Variants in MYBL1 observed in about 807,000 individuals in gnomAD.
MYBL1 encodes the protein MYB proto-oncogene like 1.
Under a neutral mutation model 96.3 loss-of-function variants are expected in MYBL1, and 17 were observed. That is an observed-to-expected ratio of 0.18 (90% CI 0.12 to 0.26). The LOEUF is 0.26. MYBL1 is among the 10% of genes least tolerant of loss of function. The pLI, the probability that MYBL1 is intolerant of heterozygous loss-of-function variation, is 1.00. For missense variants in MYBL1, 701 were observed against 882.9 expected (o/e 0.79, Z 2.61); for synonymous variants, 282 against 292.7 (o/e 0.96, Z 0.37).
Position 66,580,171 on chromosome 8 carries a change from T to G in MYBL1, c.1063A>C (p.Ile355Leu), listed in dbSNP as rs766597802. 6.2e-7 allele frequency: 1 copy of G among 1,613,858 alleles called. No homozygotes were observed. Among genetic ancestry groups the G allele is most frequent in the East Asian group, 2.2e-5 (1 of 44,888 alleles). ...ANAVLSSLQT[I>L]PEFAETLELI... ...TCTAGAGTCTCTGCAAATTCTGGGA[T>G]GGTCTGCAAAGAGGATAACACAGCG... is the stretch of plus-strand genomic sequence containing the variant. The change falls in exon 9 of 16, where the codon ATC (isoleucine) becomes CTC (leucine). Residue 355 changes from isoleucine to leucine, a missense_variant. Physicochemically the swap from Ile to Leu is conservative, Grantham distance 5. Around this residue, in one of 5 missense-constraint regions of MYBL1, gnomAD observed 396 missense variants for 407.4 expected, o/e 0.97. Coordinates refer to ENST00000522677, the MANE Select transcript of MYBL1 (RefSeq NM_001080416.4).
At chr8:66,598,756 C>A (rs1270158235) in intron 4 of MYBL1, among the ~76,000 whole-genome samples, 1 of 152,134 alleles carries the variant, frequency 6.6e-6, no homozygotes, top group African/African-American at 2.4e-5. Flanking sequence ...AAACTATACC[C>A]TAATAGTTGT....
intron 9 of MYBL1, among the ~76,000 whole-genome samples, 194 bp from the exon 10 acceptor site, chr8:66,576,569 T>C (rs1030356469): frequency 6.6e-6 from 1 of 152,124 alleles, no homozygotes; most frequent in South Asian, 2.1e-4. Flanking sequence ...CCAAAATACA[T>C]AATAGTTCAT....
Position 66,562,664 on chromosome 8 carries a change from A to C in MYBL1, c.*2033T>G, listed in dbSNP as rs1379683492. ...TGGTGATTGCAGACTATGTATATCCAGGTAAGGGCTACATTAAAAACAACA... is the reference window on the plus strand; with the variant it reads ...TGGTGATTGCAGACTATGTATATCCCGGTAAGGGCTACATTAAAAACAACA... On this transcript the variant is annotated 3_prime_UTR_variant, in exon 16 of 16. Coordinates refer to ENST00000522677, the MANE Select transcript of MYBL1 (RefSeq NM_001080416.4). 6.6e-6 allele frequency: 1 copy of C among 152,554 alleles called. No homozygotes were observed. Among genetic ancestry groups the C allele is most frequent in the East Asian group, 1.9e-4 (1 of 5,200 alleles). 9.5% of individuals were successfully genotyped at this position (152,554 alleles called of 1,614,324 possible).
intron 1 of MYBL1, among the ~76,000 whole-genome samples, 162 bp from the exon 2 acceptor site, chr8:66,602,685 G>A (rs1339336340): frequency 9.6e-5 from 13 of 135,874 alleles, no homozygotes; most frequent in Non-Finnish European, 1.4e-4. Context: ...GTCAGACAGC[G>A]GGGTGGGGTG....
chr8:66,604,360 T>C (rs1231483107), intron 1 of MYBL1, among the ~76,000 whole-genome samples: 4 of 152,026 alleles, frequency 2.6e-5, no homozygotes, highest in African/African-American at 9.7e-5. Flanking sequence ...CTGTCTCTAC[T>C]AAAATTGCAA....
intron 10 of MYBL1, among the ~76,000 whole-genome samples, chr8:66,574,662 T>C (rs16932983): frequency 0.1 from 15,973 of 152,242 alleles, 1,881 homozygotes; most frequent in African/African-American, 0.28. Flanking sequence ...AACATCAGCT[T>C]CATCTCTTAC....
intron 8 of MYBL1, among the ~76,000 whole-genome samples, chr8:66,591,652 T>C (rs1253052361): frequency 6.6e-6 from 1 of 152,092 alleles, no homozygotes; most frequent in Non-Finnish European, 1.5e-5. Context: ...TTAAATTTAC[T>C]GAACTCATAT....
intron 15 of MYBL1, 57 bp downstream of exon 15, chr8:66,566,007 A>C (rs1808487865): frequency 5.1e-6 from 6 of 1,183,562 alleles, no homozygotes; most frequent in Non-Finnish European, 7.1e-6. Context: ...AGTAAATCCA[A>C]AGTGATCATT....
At chr8:66,575,709 G>C (rs1808909390) in intron 10 of MYBL1, among the ~76,000 whole-genome samples, 1 of 152,102 alleles carries the variant, frequency 6.6e-6, no homozygotes, top group Non-Finnish European at 1.5e-5. Context: ...AAGATCACTT[G>C]AGCCTCGGTG....
At position 66,564,701 on chromosome 8, in the gene MYBL1, A is replaced by C; in HGVS notation, c.2255T>G (p.Leu752Arg). The change falls in exon 16 of 16, where the codon CTG becomes CGG. Residue 752 changes from leucine (L) to arginine (R), a missense_variant. Coordinates refer to ENST00000522677, the MANE Select transcript of MYBL1 (RefSeq NM_001080416.4). ...ATSSTSRALI[L>R] ...TTTCATCAATTTTAATAACAATTAC[A>C]GTATGAGAGCTCTTGAAGTACTACT... 1 of 1,575,220 alleles carries C rather than the reference A, an allele frequency of 6.3e-7. No individual in the cohort carries two copies. The highest frequency in any genetic ancestry group is 8.6e-7 in the Non-Finnish European group (1 of 1,157,392).
At position 66,564,338 on chromosome 8, in the gene MYBL1, A is replaced by G. The variant is rs1177170747; in HGVS notation, c.*359T>C. ...CATAGACTAATTTCAGAAATCATAT[A>G]TACTCATACACCTATCTATAACAAA... On this transcript the variant is annotated 3_prime_UTR_variant, in exon 16 of 16. Transcript: ENST00000522677. The G allele has an allele frequency of 6.5e-6, 1 of 154,986 alleles. No homozygotes were observed. The highest frequency in any genetic ancestry group is 6.5e-5 in the Admixed American group (1 of 15,360). The allele number at this position is 154,986 out of a possible 1,614,324, so 9.6% of individuals were successfully genotyped here. A position where few individuals can be genotyped will look rare whatever the true frequency, so the allele number is the denominator to read the frequency against.
chr8:66,579,988 C>T lies in MYBL1; in HGVS notation c.1101+145G>A. 3 of 574,722 alleles carry T rather than the reference C, an allele frequency of 5.2e-6. No individual in the cohort carries two copies. The South Asian group carries it at 9.6e-5, about 18-fold the overall frequency. The allele number at this position is 574,722 out of a possible 1,614,324, so 35.6% of individuals were successfully genotyped here. On this transcript the variant is annotated intron_variant, in intron 9 of 15. Coordinates refer to ENST00000522677, the MANE Select transcript of MYBL1 (RefSeq NM_001080416.4). ...CTTGAGAAAAATTTAAACTTTTTTC[C>T]CCTAGAAGCCACTGCAAAATATCAG...
intron 1 of MYBL1, among the ~76,000 whole-genome samples, chr8:66,611,378 A>C (rs979139075): frequency 6.6e-6 from 1 of 152,226 alleles, no homozygotes; most frequent in Non-Finnish European, 1.5e-5. Context: ...AGAGCTTTAA[A>C]TATCTATCTT....
chr8:66,573,342 C>G, intron 11 of MYBL1, 22 bp downstream of exon 11: 1 of 1,583,340 alleles, frequency 6.3e-7, no homozygotes, highest in Non-Finnish European at 8.6e-7. Context: ...TTCTCTAACA[C>G]AATTATTTAA....
intron 10 of MYBL1, among the ~76,000 whole-genome samples, chr8:66,575,488 C>T (rs1342691855): frequency 1.3e-5 from 2 of 152,052 alleles, no homozygotes; most frequent in Non-Finnish European, 2.9e-5. Flanking sequence ...CCTCTAAAAA[C>T]TGTAGTATAA....
chr8:66,576,026 A>G lies in MYBL1; in HGVS notation c.1451T>C (p.Leu484Pro). 2 of 1,612,668 alleles carry G rather than the reference A, an allele frequency of 1.2e-6. No homozygotes were observed. The highest frequency in any genetic ancestry group is 8.5e-7 in the Non-Finnish European group (1 of 1,178,900). ...CACTACCTGTGAAGGAGAAAATGGT[A>G]GTGTTTTCAGTGGTGTATGTTTTAG... The part of the protein sequence containing the change: ...MALKHTPLKT[L>P]PFSPSQFFNT... Residue 484 changes from leucine (L) to proline (P), a missense_variant, in exon 10 of 16, where the codon CTA (leucine) becomes CCA (proline). Physicochemically the swap from Leu to Pro is moderately conservative, Grantham distance 98. This residue lies in a region of MYBL1 where 396 missense variants were observed against 407.4 expected (regional missense o/e 0.97). Coordinates refer to ENST00000522677, the MANE Select transcript of MYBL1 (RefSeq NM_001080416.4).
Position 66,576,142 on chromosome 8 carries a change from G to A in MYBL1, c.1335C>T (p.Ala445=). ...PNIAKFSTPP[A]ILRKKRKMRV... is the part of the protein sequence containing the mutation. ...GCATTTTTCTCTTCTTTCTGAGGATGGCTGGTGGAGTGCTAAACTTGGCTA... is the reference window on the plus strand; with the variant it reads ...GCATTTTTCTCTTCTTTCTGAGGATAGCTGGTGGAGTGCTAAACTTGGCTA... The change falls in exon 10 of 16, where the codon GCC becomes GCT. Residue 445 remains alanine (A), a synonymous_variant. Coordinates refer to ENST00000522677, the MANE Select transcript of MYBL1 (RefSeq NM_001080416.4). 1.2e-6 allele frequency: 2 copies of A among 1,613,994 alleles called. No homozygotes were observed. Among genetic ancestry groups the A allele is most frequent in the Non-Finnish European group, 1.7e-6 (2 of 1,179,886 alleles).
intron 1 of MYBL1, among the ~76,000 whole-genome samples, chr8:66,606,430 TCA>T (rs1376136790): frequency 6.6e-6 from 1 of 152,362 alleles, no homozygotes; most frequent in Non-Finnish European, 1.5e-5. Context: ...CATTCTGATT[TCA>T]CAGAGCAAAA....
At chr8:66,576,556 A>G (rs566395262) in intron 9 of MYBL1, among the ~76,000 whole-genome samples, 181 bp from the exon 10 acceptor site, 2 of 152,296 alleles carry the variant, frequency 1.3e-5, no homozygotes, top group Non-Finnish European at 1.5e-5. Context: ...CTTTCCTATG[A>G]TTCCAAAATA....
Sources: gnomAD v4.1 joint callset for allele counts (sites outside exome capture counted in the v4.1 genomes callset) on GRCh38, gnomAD v4.1.1 for gene constraint, gnomAD v4.1.1 regional missense constraint, MANE v1.5 for transcripts, NCBI Gene and HGNC (gene_info 2026-07-23, HGNC 2026-07-21) for gene names.